The following CHST11 variants were observed in gnomAD, a reference collection of about 807,000 sequenced individuals.
The protein encoded by CHST11 is C4S-1.
In CHST11, 9 loss-of-function variants were observed where a neutral mutation model predicts 30.4. The ratio of observed to expected loss-of-function variants is 0.30; its 90% CI spans 0.18 to 0.52. The LOEUF is 0.52. Ranked by LOEUF, CHST11 falls within the 20% of genes least tolerant of loss-of-function variation. The pLI is 0.97. For synonymous variants in CHST11, 152 were observed against 187.8 expected (o/e 0.81, Z 1.56); for missense variants, 348 against 460.6 (o/e 0.76, Z 2.24).
At chr12:104,637,434 T>G (rs2039336565) in intron 2 of CHST11, among the ~76,000 whole-genome samples, 2 of 148,928 alleles carry the variant, frequency 1.3e-5, no homozygotes, top group Non-Finnish European at 3.0e-5. Context: ...CATGTATACA[T>G]ATGTAACAAA....
intron 1 of CHST11, among the ~76,000 whole-genome samples, chr12:104,516,894 A>G (rs941130829): frequency 2.6e-5 from 4 of 152,062 alleles, no homozygotes; most frequent in Admixed American, 6.5e-5. Context: ...TCTACCTTCT[A>G]TCCTATGCCT....
chr12:104,711,526 G>A (rs2040087883), intron 2 of CHST11, among the ~76,000 whole-genome samples: 1 of 151,994 alleles, frequency 6.6e-6, no homozygotes, highest in South Asian at 2.1e-4. Flanking sequence ...AACGACCCAA[G>A]GACAATGTCA....
At chr12:104,666,683 C>T (rs2039645644) in intron 2 of CHST11, among the ~76,000 whole-genome samples, 1 of 152,052 alleles carries the variant, frequency 6.6e-6, no homozygotes, top group Non-Finnish European at 1.5e-5. Context: ...AGTGGATGGC[C>T]AACAAATGTT....
At chr12:104,743,509 A>G (rs1416089267) in intron 2 of CHST11, among the ~76,000 whole-genome samples, 6 of 152,224 alleles carry the variant, frequency 3.9e-5, no homozygotes, top group African/African-American at 7.2e-5. Context: ...CACCAACCCT[A>G]CAGGGATGGT....
At chr12:104,477,694 G>A (rs1035910675) in intron 1 of CHST11, among the ~76,000 whole-genome samples, 3 of 152,086 alleles carry the variant, frequency 2.0e-5, no homozygotes, top group African/African-American at 7.2e-5. Flanking sequence ...CCAGTGCCTC[G>A]ATCTTGGACT....
At chr12:104,577,198 C>T (rs1036409829) in intron 1 of CHST11, among the ~76,000 whole-genome samples, 39 of 147,456 alleles carry the variant, frequency 2.6e-4, no homozygotes, top group African/African-American at 9.1e-4. Flanking sequence ...TGTTTTGCAC[C>T]GGTATGATTC....
chr12:104,557,781 G>A (rs540436487), intron 1 of CHST11, among the ~76,000 whole-genome samples: 4 of 152,278 alleles, frequency 2.6e-5, no homozygotes, highest in South Asian at 4.1e-4. Context: ...CACTGACCGC[G>A]GATTCTTCTC....
chr12:104,590,978 G>A (rs926980199), intron 1 of CHST11, among the ~76,000 whole-genome samples: 1 of 152,012 alleles, frequency 6.6e-6, no homozygotes, highest in Non-Finnish European at 1.5e-5. Flanking sequence ...AGGAAGTGAG[G>A]CCATGGGAGA....
intron 1 of CHST11, among the ~76,000 whole-genome samples, chr12:104,484,937 G>A (rs561175268): frequency 5.6e-4 from 85 of 152,304 alleles, no homozygotes; most frequent in African/African-American, 1.9e-3. Flanking sequence ...ATCATGGCCC[G>A]AATGTCAGGG....
chr12:104,530,119 A>G (rs371336079), intron 1 of CHST11, among the ~76,000 whole-genome samples: 9 of 152,306 alleles, frequency 5.9e-5, no homozygotes, highest in African/African-American at 1.9e-4. Context: ...AGATTGCGCC[A>G]TTATAGTTGA....
chr12:104,753,636 GA>G (rs2040452332), intron 2 of CHST11, among the ~76,000 whole-genome samples: 1 of 152,186 alleles, frequency 6.6e-6, no homozygotes, highest in Non-Finnish European at 1.5e-5. Context: ...CACTAAGGAA[GA>G]ATATTCTGGA....
At position 104,694,482 on chromosome 12, in the gene CHST11, T is replaced by C. The variant is rs116685770; in HGVS notation, c.205-62467T>C. On this transcript the variant is annotated intron_variant, in intron 2 of 2. Coordinates refer to ENST00000303694, the MANE Select transcript of CHST11 (RefSeq NM_018413.6). ...TTGAAAAAAATGTTTTTTGAATGTG[T>C]TTTTTGGTTTTGTTTTGTTTTTGTG... is the stretch of plus-strand genomic sequence containing the variant. Among the ~76,000 whole-genome samples, 1,519 of 152,160 alleles carry C rather than the reference T, an allele frequency of 1.0e-2. 27 individuals are homozygous for C. Among genetic ancestry groups the C allele is most frequent in the African/African-American group, 0.035 (1,462 of 41,476 alleles).
intron 2 of CHST11, among the ~76,000 whole-genome samples, chr12:104,626,621 T>C (rs575179082): frequency 6.6e-6 from 1 of 150,706 alleles, no homozygotes; most frequent in East Asian, 1.9e-4. Flanking sequence ...TACTTGTGCA[T>C]GTAAATGTGG....
chr12:104,664,202 G>A (rs1401459660), intron 2 of CHST11, among the ~76,000 whole-genome samples: 1 of 152,176 alleles, frequency 6.6e-6, no homozygotes, highest in Non-Finnish European at 1.5e-5. Context: ...AGACCACGAG[G>A]TGAACTGAAT....
Position 104,457,096 on chromosome 12 carries a change from C to A in CHST11, c.-316C>A, listed in dbSNP as rs1036595971. 3.2e-5 allele frequency: 7 copies of A among 219,302 alleles called. No individual in the cohort carries two copies. The highest frequency in any genetic ancestry group is 6.2e-5 in the Non-Finnish European group (7 of 112,266). The allele number at this position is 219,302 out of a possible 1,614,324, so 13.6% of individuals were successfully genotyped here. On this transcript the variant is annotated 5_prime_UTR_variant, in exon 1 of 3. Coordinates refer to ENST00000303694, the MANE Select transcript of CHST11 (RefSeq NM_018413.6). ...CCACCATCACCGCTCGCACCCCAGC[C>A]GCCCGGCCCGCGACCAGGCAGCGGC... is the stretch of plus-strand genomic sequence containing the variant.
intron 1 of CHST11, among the ~76,000 whole-genome samples, chr12:104,548,852 A>C (rs2038378009): frequency 6.6e-6 from 1 of 152,184 alleles, no homozygotes; most frequent in Non-Finnish European, 1.5e-5. Flanking sequence ...AAAAGACAAG[A>C]CCTTTCAAGT....
At chr12:104,703,658 A>G (rs944316299) in intron 2 of CHST11, among the ~76,000 whole-genome samples, 1 of 152,236 alleles carries the variant, frequency 6.6e-6, no homozygotes, top group African/African-American at 2.4e-5. Context: ...CTCCCAGCTC[A>G]GAGTGAAAGC....
chr12:104,613,292 T>TAGATAGATAGATAG (rs1034049823), intron 2 of CHST11, among the ~76,000 whole-genome samples: 5 of 148,320 alleles, frequency 3.4e-5, no homozygotes, highest in African/African-American at 1.2e-4. Context: ...GATAGATAGA[T>TAGATAGATAGATAG]ATAGATATAT....
At chr12:104,663,025 A>G (rs1198321023) in intron 2 of CHST11, among the ~76,000 whole-genome samples, 2 of 152,238 alleles carry the variant, frequency 1.3e-5, no homozygotes, top group African/African-American at 4.8e-5. Flanking sequence ...GTTCCTCACC[A>G]CAGACAAAGG....
Sources: allele counts gnomAD v4.1 joint callset (sites outside exome capture counted in the v4.1 genomes callset), GRCh38; gene constraint gnomAD v4.1.1; transcripts MANE v1.5; gene names NCBI Gene and HGNC (gene_info 2026-07-23, HGNC 2026-07-21).